ZDHHC19: variants seen among roughly 807,000 people sequenced by gnomAD.
ZDHHC19 encodes palmitoyltransferase ZDHHC19.
Under a neutral mutation model 33.9 loss-of-function variants are expected in ZDHHC19, and 30 were observed. That is an observed-to-expected ratio of 0.88 (90% CI 0.66 to 1.20). ZDHHC19 has a LOEUF of 1.20. ZDHHC19 is among the 50% of genes most tolerant of loss of function. ZDHHC19 has a pLI of 0.00. For missense variants in ZDHHC19, 364 were observed against 401.1 expected, an observed-to-expected ratio of 0.91 and a Z score of 0.79; for synonymous variants, 178 against 167.6, an observed-to-expected ratio of 1.06 and a Z score of -0.48.
At chr3:196,209,228 C>T in intron 3 of ZDHHC19, 148 bp downstream of exon 3, 1 of 1,145,432 alleles carries the variant, frequency 8.7e-7, no homozygotes, top group Non-Finnish European at 1.2e-6. Context: ...ACATGAGTGA[C>T]CAAGGGTGGC....
intron 5 of ZDHHC19, among the ~76,000 whole-genome samples, chr3:196,204,999 G>A (rs916283071): frequency 2.6e-5 from 4 of 152,104 alleles, no homozygotes; most frequent in African/African-American, 9.7e-5. Flanking sequence ...TTAGCTACCT[G>A]GGAGGCTGAG....
In ZDHHC19 at chr3:196,208,416, GGT is replaced by G; in HGVS notation, c.551_552del (p.His184ProfsTer78). The G allele has an allele frequency of 6.2e-7, 1 of 1,614,120 alleles. No homozygotes were observed. Among genetic ancestry groups the G allele is most frequent in the East Asian group, 2.2e-5 (1 of 44,888 alleles). ...ATGGCCTTGTCGGTGGAGAAGGGCAGGTGGGTTGTGCGCACCAGGAAGATGAG... is the reference window on the plus strand; with the variant it reads ...ATGGCCTTGTCGGTGGAGAAGGGCAGGGGTTGTGCGCACCAGGAAGATGAG... ...TCLIFLVRTT[H>X]LPFSTDKAIA... On this transcript the variant is annotated frameshift_variant, in exon 4 of 8. Coordinates refer to ENST00000296326, the MANE Select transcript of ZDHHC19 (RefSeq NM_001039617.2). LOFTEE classifies it high-confidence loss of function.
rs535216491 is a variant in ZDHHC19, at chr3:196,211,252, G to A, written c.64C>T (p.Arg22Cys). The A allele has an allele frequency of 9.3e-6, 15 of 1,614,072 alleles. No individual in the cohort carries two copies. The highest frequency in any genetic ancestry group is 1.7e-4 in the Middle Eastern group (1 of 6,060). The part of the protein sequence containing the change: ...KEPHPLPLVP[R>C]PWFLPSLFAA... The stretch of plus-strand genomic sequence containing the variant: ...AAGAGGCTAGGGAGGAACCAGGGAC[G>A]TGGGACCAGAGGCAGGGGATGGGGC... Residue 22 changes from arginine to cysteine, a missense_variant, in exon 1 of 8, where the codon CGT becomes TGT. Physicochemically the swap from Arg to Cys is radical, Grantham distance 180. Transcript: ENST00000296326.
chr3:196,202,477 A>C (rs1368879691), intron 5 of ZDHHC19: 1 of 152,508 alleles, frequency 6.6e-6, no homozygotes, highest in East Asian at 1.9e-4. Context: ...AAAAAAGGAA[A>C]GTTCCAGTCA....
At chr3:196,209,027 G>C (rs1019364807) in intron 3 of ZDHHC19, 4 of 312,630 alleles carry the variant, frequency 1.3e-5, no homozygotes, top group Non-Finnish European at 2.4e-5. Flanking sequence ...GGACAGGCAA[G>C]GCCTCCCAGA....
chr3:196,210,241 G>A (rs1049393922), intron 2 of ZDHHC19, among the ~76,000 whole-genome samples: 4 of 126,564 alleles, frequency 3.2e-5, no homozygotes, highest in Non-Finnish European at 6.6e-5. Context: ...AAGAAGGAAA[G>A]AAAGAAAGAA....
rs779346592 is a variant in ZDHHC19 at position 196,198,533 on chromosome 3, G to A, written c.774-82C>T. 1.8e-5 allele frequency: 28 copies of A among 1,575,622 alleles called. No individual in the cohort carries two copies. The African/African-American group carries it at 2.2e-4, about 12-fold the overall frequency. On this transcript the variant is annotated intron_variant, in intron 6 of 7. Transcript: ENST00000296326. ...GCCCGCCTCAGCTTGGGAAGCACAC[G>A]GCCCAGGGCTTAGCTCTGCAGGAAG...
chr3:196,202,425 G>A (rs2108724470), intron 5 of ZDHHC19: 1 of 152,390 alleles, frequency 6.6e-6, no homozygotes, highest in South Asian at 2.1e-4. Context: ...CTCTTTCCTC[G>A]CTGCTCACTA....
Position 196,210,289 on chromosome 3 carries a change from G to GAAAGAAAGAAAGAAAGAAA in ZDHHC19, c.268+326_268+327insTTTCTTTCTTTCTTTCTTT, listed in dbSNP as rs1723137630. On this transcript the variant is annotated intron_variant, in intron 2 of 7. Coordinates refer to ENST00000296326, the MANE Select transcript of ZDHHC19 (RefSeq NM_001039617.2). ...AAAAGAGAAAGAAAGAAAGAAAGAA[G>GAAAGAAAGAAAGAAAGAAA]GAAGGAAGGAAAGAGAGAGGAAGAA... Among the ~76,000 whole-genome samples, 8 of 46,384 alleles carry GAAAGAAAGAAAGAAAGAAA rather than the reference G, an allele frequency of 1.7e-4. 1 individual carries two copies. Among genetic ancestry groups the GAAAGAAAGAAAGAAAGAAA allele is most frequent in the Admixed American group, 7.8e-4 (3 of 3,832 alleles). 30.4% of individuals were successfully genotyped at this position (46,384 alleles called of 152,430 possible). A position where few individuals can be genotyped will look rare whatever the true frequency, so the allele number is the denominator to read the frequency against.
At chr3:196,198,725 G>A in intron 6 of ZDHHC19, 64 bp downstream of exon 6, 2 of 1,607,864 alleles carry the variant, frequency 1.2e-6, no homozygotes, top group South Asian at 2.2e-5. Context: ...TAAGGAGCCA[G>A]GGTGAACCCA....
chr3:196,199,701 T>G, intron 5 of ZDHHC19: 1 of 154,298 alleles, frequency 6.5e-6, no homozygotes, highest in African/African-American at 2.4e-5. Flanking sequence ...CCCTGCACTT[T>G]GGGAGGCCGA....
intron 2 of ZDHHC19, among the ~76,000 whole-genome samples, chr3:196,210,235 A>G (rs1384334310): frequency 1.4e-5 from 2 of 145,644 alleles, no homozygotes; most frequent in Non-Finnish European, 3.0e-5. Context: ...AAAGGAAAGA[A>G]GGAAAGAAAG....
intron 5 of ZDHHC19, among the ~76,000 whole-genome samples, chr3:196,206,286 A>C (rs905766081): frequency 1.3e-5 from 2 of 151,924 alleles, no homozygotes; most frequent in Admixed American, 6.6e-5. Context: ...TCCCAGTCTC[A>C]GGTCATCTGG....
rs1553822007 is a variant in ZDHHC19, at chr3:196,210,444, G to GAAAGAAAAGA, written c.268+162_268+171dup. Among the ~76,000 whole-genome samples the GAAAGAAAAGA allele has an allele frequency of 4.9e-5, 6 of 121,836 alleles. 1 individual carries two copies. Among genetic ancestry groups the GAAAGAAAAGA allele is most frequent in the African/African-American group, 2.8e-4 (6 of 21,272 alleles). The allele number at this position is 121,836 out of a possible 152,430, so 79.9% of individuals were successfully genotyped here. Reference sequence around the variant, plus strand: ...AAGGAAAGAAAGAAAGAGAAAGAAAGAAAGAAAAGAGAAGAGAAGAAAGAG... The same window carrying GAAAGAAAAGA: ...AAGGAAAGAAAGAAAGAGAAAGAAAGAAAGAAAAGAAAAGAAAAGAGAAGAGAAGAAAGAG... On this transcript the variant is annotated intron_variant, in intron 2 of 7. Transcript: ENST00000296326.
intron 3 of ZDHHC19, 114 bp from the exon 4 acceptor site, chr3:196,208,674 G>A: frequency 1.6e-6 from 2 of 1,256,290 alleles, no homozygotes; most frequent in Non-Finnish European, 2.2e-6. Flanking sequence ...CTTGGCCCAT[G>A]CACTGGCTTC....
chr3:196,210,260 AAAG>A (rs1198194937), intron 2 of ZDHHC19, among the ~76,000 whole-genome samples: 1 of 122,596 alleles, frequency 8.2e-6, no homozygotes, highest in African/African-American at 3.1e-5. Context: ...AAAAAGAAAG[AAAG>A]AAAAGAGAAA....
intron 5 of ZDHHC19, among the ~76,000 whole-genome samples, chr3:196,200,350 A>G (rs1305760930): frequency 1.3e-5 from 1 of 74,148 alleles, no homozygotes; most frequent in African/African-American, 5.0e-5. Context: ...ATATGTATAT[A>G]TATATATAAT....
chr3:196,208,657 A>T (rs1722980162), intron 3 of ZDHHC19, 97 bp from the exon 4 acceptor site: 1 of 1,430,724 alleles, frequency 7.0e-7, no homozygotes, highest in South Asian at 1.3e-5. Context: ...CTTCTAGGCC[A>T]CCTGCCCTTG....
chr3:196,206,679 CTTTT>C (rs10578928), intron 5 of ZDHHC19, among the ~76,000 whole-genome samples: 25 of 112,772 alleles, frequency 2.2e-4, no homozygotes, highest in Non-Finnish European at 2.7e-4. Context: ...CTTTTCTTTT[CTTTT>C]TTTTTTTTTT....
Sources: allele counts gnomAD v4.1 joint callset (sites outside exome capture counted in the v4.1 genomes callset), GRCh38; gene constraint gnomAD v4.1.1; transcripts MANE v1.5; gene names NCBI Gene and HGNC (gene_info 2026-07-23, HGNC 2026-07-21).